Variants in AKAP10 observed in about 807,000 individuals in gnomAD.
The protein encoded by AKAP10 is A-kinase anchor protein 10, mitochondrial.
In AKAP10, 24 loss-of-function variants were observed where a neutral mutation model predicts 80.8. That is an observed-to-expected ratio of 0.30 (90% confidence interval 0.22 to 0.42). The LOEUF (loss-of-function observed/expected upper bound fraction) is 0.42, where lower values mean the gene tolerates loss of function less well. AKAP10 is among the 10% of genes least tolerant of loss of function. The pLI, the probability that AKAP10 is intolerant of heterozygous loss-of-function variation, is 1.00. For synonymous variants in AKAP10, 291 were observed against 277.7 expected (o/e 1.05, Z -0.48); for missense variants, 661 against 794.9 (o/e 0.83, Z 2.03).
At chr17:19,946,246 T>TATATATATTTTATATATATATATAAA (rs2043117034) in intron 5 of AKAP10, among the ~76,000 whole-genome samples, 1 of 16,042 alleles carries the variant, frequency 6.2e-5, no homozygotes, top group African/African-American at 3.3e-4. Context: ...ATTATATATA[T>TATATATATTTTATATATATATATAAA]ATATATATAT....
At chr17:19,937,508 T>TA (rs1183841844) in intron 8 of AKAP10, among the ~76,000 whole-genome samples, 4 of 151,494 alleles carry the variant, frequency 2.6e-5, no homozygotes, top group East Asian at 3.9e-4. Flanking sequence ...TCTCAAAAAA[T>TA]AAAAAAGAAG....
chr17:19,934,259 G>C (rs1207737641), intron 9 of AKAP10, among the ~76,000 whole-genome samples: 1 of 152,122 alleles, frequency 6.6e-6, no homozygotes, highest in Non-Finnish European at 1.5e-5. Context: ...AATACCTTGT[G>C]ATCATAATAC....
At chr17:19,929,460 C>T (rs947035317) in intron 10 of AKAP10, 3 of 152,144 alleles carry the variant, frequency 2.0e-5, no homozygotes, top group South Asian at 2.1e-4. Flanking sequence ...ACCCTGGTGA[C>T]AAGAAGGACA....
intron 7 of AKAP10, 105 bp from the exon 8 acceptor site, chr17:19,939,954 A>C: frequency 1.6e-6 from 2 of 1,263,954 alleles, no homozygotes; most frequent in East Asian, 2.6e-5. Context: ...TAAGCAAAAA[A>C]CAAAAAGATC....
chr17:19,921,882 GA>G (rs2152411273), intron 11 of AKAP10, among the ~76,000 whole-genome samples: 1 of 152,206 alleles, frequency 6.6e-6, no homozygotes, highest in South Asian at 2.1e-4. Context: ...ATTACATACG[GA>G]ATACTACAGT....
At chr17:19,951,446 G>T (rs796663800) in intron 4 of AKAP10, among the ~76,000 whole-genome samples, 4 of 148,704 alleles carry the variant, frequency 2.7e-5, no homozygotes, top group East Asian at 2.0e-4. Context: ...CAGTTTTGTC[G>T]AATAGAAAAG....
At chr17:19,906,827 A>G (rs2042636114) in intron 14 of AKAP10, among the ~76,000 whole-genome samples, 2 of 152,190 alleles carry the variant, frequency 1.3e-5, no homozygotes, top group Admixed American at 1.3e-4. Context: ...ATTCCTTCGC[A>G]GGCCTAGGAC....
chr17:19,972,064 C>T (rs2043504890), intron 1 of AKAP10, among the ~76,000 whole-genome samples: 1 of 152,148 alleles, frequency 6.6e-6, no homozygotes, highest in African/African-American at 2.4e-5. Flanking sequence ...CGAGATCATG[C>T]CACTGCATTC....
At chr17:19,926,273 AT>A (rs2042874384) in intron 10 of AKAP10, among the ~76,000 whole-genome samples, 1 of 150,968 alleles carries the variant, frequency 6.6e-6, no homozygotes. Flanking sequence ...CCCTTTCATG[AT>A]TTAAAAAAAA....
intron 12 of AKAP10, among the ~76,000 whole-genome samples, chr17:19,910,340 A>T: frequency 6.6e-6 from 1 of 150,934 alleles, no homozygotes. Flanking sequence ...AAAAAAAAAA[A>T]AACCACTATC....
intron 9 of AKAP10, among the ~76,000 whole-genome samples, chr17:19,932,458 A>C (rs962170973): frequency 6.6e-6 from 1 of 151,750 alleles, no homozygotes; most frequent in Non-Finnish European, 1.5e-5. Context: ...CTAAAAAAAA[A>C]AAAAAAAAAA....
Position 19,941,867 on chromosome 17 carries a change from GA to G in AKAP10, c.1019del (p.Phe340SerfsTer7). 6.2e-7 allele frequency: 1 copy of G among 1,610,360 alleles called. No homozygotes were observed. Among genetic ancestry groups the G allele is most frequent in the Non-Finnish European group, 8.5e-7 (1 of 1,178,320 alleles). ...TAAAGACTATGGACTGTGCCAAAAC[GA>G]AACAGTTGGGATCCACCTGTCCATC... ...GEDGQVDPNC[F>X]VLAQSIVFSA... On this transcript the variant is annotated frameshift_variant, in exon 6 of 15. Coordinates refer to ENST00000225737, the MANE Select transcript of AKAP10 (RefSeq NM_007202.4). LOFTEE classifies it high-confidence loss of function.
rs1266724457 is a variant in AKAP10, at chr17:19,905,166, T to G, written c.*1061A>C. On this transcript the variant is annotated 3_prime_UTR_variant, in exon 15 of 15. Coordinates refer to ENST00000225737, the MANE Select transcript of AKAP10 (RefSeq NM_007202.4). ...CTCACCAACTGGGCAGTCCTGCTGA[T>G]GGCTGTGTGATCCCGATGCAGAAGC... 1 of 152,082 alleles carries G rather than the reference T, an allele frequency of 6.6e-6. No homozygotes were observed. Among genetic ancestry groups the G allele is most frequent in the Non-Finnish European group, 1.5e-5 (1 of 68,022 alleles). 9.4% of individuals were successfully genotyped at this position (152,082 alleles called of 1,614,324 possible).
chr17:19,935,108 G>A (rs1257545814), intron 9 of AKAP10, among the ~76,000 whole-genome samples: 1 of 152,098 alleles, frequency 6.6e-6, no homozygotes, highest in Non-Finnish European at 1.5e-5. Flanking sequence ...AAACCTAGAT[G>A]GTATGGCCTA....
intron 10 of AKAP10, among the ~76,000 whole-genome samples, chr17:19,925,989 C>T (rs1294868505): frequency 6.6e-6 from 1 of 152,086 alleles, no homozygotes; most frequent in Admixed American, 6.6e-5. Context: ...CAAGAACCCA[C>T]AAATACACTC....
At chr17:19,922,917 C>T (rs1456690528) in intron 11 of AKAP10, among the ~76,000 whole-genome samples, 2 of 152,074 alleles carry the variant, frequency 1.3e-5, no homozygotes, top group African/African-American at 4.8e-5. Context: ...CAAAACAAAA[C>T]AAAAACATAT....
At chr17:19,931,312 ATACTT>A (rs199752567) in intron 10 of AKAP10, among the ~76,000 whole-genome samples, 1,870 of 152,230 alleles carry the variant, frequency 0.012, 35 homozygotes, top group African/African-American at 0.043. Context: ...AAACAGCATG[ATACTT>A]TACAATACAG....
At chr17:19,907,025 T>G (rs1029066474) in intron 14 of AKAP10, among the ~76,000 whole-genome samples, 5 of 142,204 alleles carry the variant, frequency 3.5e-5, no homozygotes, top group East Asian at 2.3e-4. Context: ...TTTTTTTTTG[T>G]TTTTTTTTTG....
chr17:19,962,871 G>A lies in AKAP10; in HGVS notation c.288C>T (p.Ser96=), dbSNP rs767650646. ...SRTATLKKQP[S]HMEAAHFGDL... ...CACCAAAATGAGCGGCCTCCATGTG[G>A]CTTGGCTGCTTCTTAAGTGTGGCTG... Residue 96 remains serine (S), a synonymous_variant, in exon 3 of 15, where the codon AGC becomes AGT. Transcript: ENST00000225737. 2 of 1,613,966 alleles carry A rather than the reference G, an allele frequency of 1.2e-6. No homozygotes were observed. The highest frequency in any genetic ancestry group is 4.5e-5 in the East Asian group (2 of 44,892).
Sources: allele counts gnomAD v4.1 joint callset (sites outside exome capture counted in the v4.1 genomes callset), GRCh38; gene constraint gnomAD v4.1.1; transcripts MANE v1.5; gene names NCBI Gene and HGNC (gene_info 2026-07-23, HGNC 2026-07-21).